The following COL6A5 variants were observed in gnomAD, a reference collection of about 807,000 sequenced individuals.
COL6A5 encodes the protein collagen alpha-5(VI) chain.
COL6A5 carries 48 observed loss-of-function variants against 65.6 expected under a neutral mutation model. That is an observed-to-expected ratio of 0.73 (90% CI 0.58 to 0.93). The LOEUF (loss-of-function observed/expected upper bound fraction) is 0.93, where lower values mean the gene tolerates loss of function less well. COL6A5 is among the 40% of genes least tolerant of loss of function. The pLI, the probability that COL6A5 is intolerant of heterozygous loss-of-function variation, is 0.00. For missense variants in COL6A5, 914 were observed against 928.3 expected (o/e 0.98, Z 0.20); for synonymous variants, 291 against 322.8 (o/e 0.90, Z 1.05).
chr3:130,415,621 G>A (rs1426493891), intron 22 of COL6A5, 24 bp from the exon 23 acceptor site: 11 of 1,532,184 alleles, frequency 7.2e-6, no homozygotes, highest in African/African-American at 5.6e-5. Context: ...TAATTGCATT[G>A]TATTTCCTTT....
intron 1 of COL6A5, 101 bp from the exon 34 acceptor site, chr3:130,439,421 T>C (rs555990345): frequency 1.4e-6 from 1 of 709,000 alleles, no homozygotes; most frequent in African/African-American, 1.8e-5. Context: ...TGCAAGGTAA[T>C]AGTGATTAGT....
At chr3:130,380,013 T>G in exon 4 of COL6A5, 1 of 1,548,948 alleles carries the variant, frequency 6.5e-7, no homozygotes, top group Non-Finnish European at 8.7e-7. Context: ...GGTCCCAAAT[T>G]TCTACTTATG....
At chr3:130,469,167 A>G (rs951703963) in exon 6 of COL6A5, 13 of 1,613,130 alleles carry the variant, frequency 8.1e-6, no homozygotes, top group African/African-American at 2.7e-5. Flanking sequence ...TTTATTGGCC[A>G]TGCCTTGCAG....
chr3:130,412,430 C>G (rs1026512922), intron 20 of COL6A5, among the ~76,000 whole-genome samples: 1 of 152,178 alleles, frequency 6.6e-6, no homozygotes, highest in Non-Finnish European at 1.5e-5. Flanking sequence ...GGCAATTGCC[C>G]TGTGCCACAC....
intron 27 of COL6A5, 130 bp downstream of exon 27, chr3:130,421,490 T>A: frequency 1.2e-6 from 1 of 828,654 alleles, no homozygotes; most frequent in South Asian, 1.6e-5. Context: ...TCCTTGGGCT[T>A]CCTGAGGAAA....
At chr3:130,395,675 G>A (rs774933030) in intron 8 of COL6A5, among the ~76,000 whole-genome samples, 4 of 152,214 alleles carry the variant, frequency 2.6e-5, no homozygotes, top group Non-Finnish European at 5.9e-5. Context: ...AGGGTGCAGA[G>A]GCTAGAGGGG....
rs1166549512 is a variant in COL6A5, at chr3:130,470,885, T to C, written c.2248T>C (p.Tyr750His). Residue 750 changes from tyrosine to histidine, a missense_variant, in exon 7 of 8, where the codon TAT becomes CAT. Physicochemically the swap from Tyr to His is moderately conservative, Grantham distance 83 (BLOSUM62 2). Transcript: ENST00000512836. ...TCTCTCTCCAGGTGCCATCAACAAA[T>C]ATCCCACCGAAGATATGAAAGCCAC... 4 of 1,612,024 alleles carry C rather than the reference T, an allele frequency of 2.5e-6. No individual in the cohort carries two copies. The South Asian group carries it at 4.4e-5, about 18-fold the overall frequency.
intron 22 of COL6A5, among the ~76,000 whole-genome samples, chr3:130,414,389 T>C (rs1267655305): frequency 6.6e-6 from 1 of 152,110 alleles, no homozygotes; most frequent in East Asian, 1.9e-4. Context: ...TAATAGTGAA[T>C]GATTAATACC....
intron 6 of COL6A5, among the ~76,000 whole-genome samples, 180 bp downstream of exon 38, chr3:130,469,661 G>T (rs1469365937): frequency 2.0e-5 from 3 of 152,048 alleles, no homozygotes; most frequent in Non-Finnish European, 2.9e-5. Context: ...GAGCCTTGCT[G>T]CTGTGCTGCC....
At chr3:130,418,342 G>T (rs1365704316) in intron 24 of COL6A5, among the ~76,000 whole-genome samples, 1 of 151,848 alleles carries the variant, frequency 6.6e-6, no homozygotes, top group African/African-American at 2.4e-5. Context: ...CCAGTCCCCT[G>T]ACATACAACT....
intron 4 of COL6A5, among the ~76,000 whole-genome samples, chr3:130,451,685 C>A (rs1204837865): frequency 6.6e-6 from 1 of 151,994 alleles, no homozygotes; most frequent in Non-Finnish European, 1.5e-5. Flanking sequence ...GAAATAAGAT[C>A]ATCGGGGGTG....
chr3:130,379,304 A>T, intron 3 of COL6A5, 114 bp from the exon 4 acceptor site: 1 of 954,614 alleles, frequency 1.0e-6, no homozygotes, highest in Non-Finnish European at 1.5e-6. Context: ...GATGCTGTCT[A>T]CATCCATCAT....
At chr3:130,447,146 G>C (rs1200365906) in intron 4 of COL6A5, among the ~76,000 whole-genome samples, 1 of 152,088 alleles carries the variant, frequency 6.6e-6, no homozygotes, top group Non-Finnish European at 1.5e-5. Flanking sequence ...ATCTTTATTT[G>C]ATATGGTAGC....
chr3:130,484,079 C>T, exon 8 of COL6A5: 1 of 1,601,438 alleles, frequency 6.2e-7, no homozygotes. Flanking sequence ...AAGATAGCTC[C>T]ACTGACATGT....
At position 130,406,028 on chromosome 3, in the gene COL6A5, G is replaced by GT. The variant is rs1015322623; in HGVS notation, c.4380+15dup. On this transcript the variant is annotated intron_variant and NMD_transcript_variant, in intron 15 of 41. Transcript: ENST00000312481. Reference sequence around the variant, plus strand: ...GATTTTCTGGACCTAAGGTACTGGAGTTTTTTCTTAGTTTAATTTGATTTC... The same window carrying GT: ...GATTTTCTGGACCTAAGGTACTGGAGTTTTTTTCTTAGTTTAATTTGATTTC... 1 of 1,551,280 alleles carries GT rather than the reference G, an allele frequency of 6.4e-7. No individual in the cohort carries two copies. The highest frequency in any genetic ancestry group is 1.4e-5 in the African/African-American group (1 of 73,038).
intron 19 of COL6A5, among the ~76,000 whole-genome samples, 187 bp from the exon 20 acceptor site, chr3:130,410,284 T>TGTA (rs3075233): frequency 0.72 from 108,927 of 151,800 alleles, 41,337 homozygotes; most frequent in Non-Finnish European, 0.86. Context: ...TTTTGGAAAA[T>TGTA]GTAGCAGTGA....
chr3:130,465,498 G>T (rs1023041116), intron 5 of COL6A5, among the ~76,000 whole-genome samples: 8 of 151,980 alleles, frequency 5.3e-5, no homozygotes, highest in Admixed American at 5.3e-4. Context: ...ACTTAGGAAG[G>T]TCTTGGCTCA....
In COL6A5 at chr3:130,405,982, A is replaced by G. The variant is rs1218387942; in HGVS notation, c.4354-11A>G. ...TTGATTTGTCAGTGAGAGATATTTC[A>G]TCTTTTGCAGGGACTCAAAGGATTT... On this transcript the variant is annotated splice_polypyrimidine_tract_variant and intron_variant and NMD_transcript_variant, in intron 14 of 41. Transcript: ENST00000312481. 1.2e-5 allele frequency: 19 copies of G among 1,551,122 alleles called. No individual in the cohort carries two copies. The highest frequency in any genetic ancestry group is 5.5e-5 in the African/African-American group (4 of 73,046).
chr3:130,398,299 T>G (rs1172148789), intron 10 of COL6A5, among the ~76,000 whole-genome samples, 188 bp downstream of exon 10: 2 of 151,930 alleles, frequency 1.3e-5, no homozygotes, highest in Admixed American at 1.3e-4. Context: ...CCCAGCTAAT[T>G]TTTTGTATTT....
Sources: allele counts gnomAD v4.1 joint callset (sites outside exome capture counted in the v4.1 genomes callset), GRCh38; gene constraint gnomAD v4.1.1; transcripts MANE v1.5; gene names NCBI Gene and HGNC (gene_info 2026-07-23, HGNC 2026-07-21).